The following SRPK2 variants were observed in gnomAD, a reference collection of about 807,000 sequenced individuals.
SRPK2 encodes the protein SFRS protein kinase 2.
A neutral mutation model predicts 90.8 loss-of-function variants in SRPK2; 21 were observed. The observed-to-expected ratio is 0.23, with a 90% CI of 0.16 to 0.33. SRPK2 has a LOEUF of 0.33. Ranked by LOEUF, SRPK2 falls within the 10% of genes least tolerant of loss-of-function variation. The probability of loss-of-function intolerance (pLI) is 1.00; values close to 1 mark genes in which losing one functional copy is unlikely to be tolerated. For synonymous variants in SRPK2, 288 were observed against 311.1 expected (o/e 0.93, Z 0.78); for missense variants, 620 against 869.0 (o/e 0.71, Z 3.60).
intron 2 of SRPK2, among the ~76,000 whole-genome samples, chr7:105,376,468 A>T (rs1259034213): frequency 6.6e-6 from 1 of 151,382 alleles, no homozygotes; most frequent in Non-Finnish European, 1.5e-5. Flanking sequence ...TTTGCTCCAA[A>T]TACCCCTTTT....
intron 2 of SRPK2, among the ~76,000 whole-genome samples, chr7:105,372,582 T>TA (rs1341618483): frequency 1.3e-5 from 2 of 152,186 alleles, no homozygotes; most frequent in Non-Finnish European, 2.9e-5. Flanking sequence ...CTCTGAGCAC[T>TA]AACTATTCAC....
chr7:105,338,039 GT>G (rs1225819805), intron 2 of SRPK2, among the ~76,000 whole-genome samples: 1 of 147,168 alleles, frequency 6.8e-6, no homozygotes, highest in Non-Finnish European at 1.5e-5. Context: ...TAAGTCTGAA[GT>G]TTCCTATAAT....
rs1161808916 is a variant in SRPK2 at position 105,361,819 on chromosome 7, T to C, written c.71+26829A>G. Among the ~76,000 whole-genome samples, 5 of 152,226 alleles carry C rather than the reference T, an allele frequency of 3.3e-5. No individual in the cohort carries two copies. The South Asian group carries it at 8.3e-4, about 25-fold the overall frequency. On this transcript the variant is annotated intron_variant, in intron 2 of 15. Coordinates refer to ENST00000393651, the MANE Select transcript of SRPK2 (RefSeq NM_182692.3). The stretch of plus-strand genomic sequence containing the variant: ...CTCTTCCTTACACCTTATACAAAAA[T>C]TAATTCAAGATGGATTTAAGACTTA...
intron 2 of SRPK2, among the ~76,000 whole-genome samples, chr7:105,251,082 A>G (rs1210516097): frequency 6.6e-6 from 1 of 152,196 alleles, no homozygotes; most frequent in Non-Finnish European, 1.5e-5. Flanking sequence ...CCCAAACACA[A>G]TTTCTTCATT....
intron 2 of SRPK2, among the ~76,000 whole-genome samples, chr7:105,278,065 C>T (rs1806749361): frequency 6.6e-6 from 1 of 152,168 alleles, no homozygotes; most frequent in South Asian, 2.1e-4. Context: ...CCTGCAATCC[C>T]AGCACTTTGG....
At chr7:105,346,869 A>C (rs1040905261) in intron 2 of SRPK2, among the ~76,000 whole-genome samples, 3 of 151,596 alleles carry the variant, frequency 2.0e-5, no homozygotes, top group African/African-American at 7.3e-5. Flanking sequence ...AAAAAAAAAA[A>C]AAAAAACTTT....
At chr7:105,141,911 G>A in intron 11 of SRPK2, 97 bp downstream of exon 11, 1 of 1,393,612 alleles carries the variant, frequency 7.2e-7, no homozygotes. Flanking sequence ...CACACACACA[G>A]GGCTTGGCCA....
intron 2 of SRPK2, among the ~76,000 whole-genome samples, chr7:105,367,278 T>G (rs1371620722): frequency 1.3e-5 from 2 of 151,970 alleles, no homozygotes; most frequent in African/African-American, 4.8e-5. Context: ...TTGTTTTGTT[T>G]TTGAGACAGG....
At chr7:105,327,510 C>T (rs1813731786) in intron 2 of SRPK2, among the ~76,000 whole-genome samples, 2 of 152,182 alleles carry the variant, frequency 1.3e-5, no homozygotes, top group Non-Finnish European at 2.9e-5. Flanking sequence ...TCTCTCCTCC[C>T]TGCCAAGTGC....
chr7:105,149,275 T>C (rs756537405), intron 7 of SRPK2, among the ~76,000 whole-genome samples: 7 of 152,196 alleles, frequency 4.6e-5, no homozygotes, highest in Non-Finnish European at 8.8e-5. Context: ...TTTGCAGTAA[T>C]GCTGCCTTGT....
chr7:105,218,863 T>G (rs1454797595), intron 2 of SRPK2, among the ~76,000 whole-genome samples: 1 of 151,236 alleles, frequency 6.6e-6, no homozygotes, highest in Non-Finnish European at 1.5e-5. Flanking sequence ...TCCTTCGTAG[T>G]TGAAAAGAAA....
intron 3 of SRPK2, among the ~76,000 whole-genome samples, chr7:105,191,879 A>C (rs1204440278): frequency 1.3e-5 from 2 of 150,950 alleles, no homozygotes; most frequent in East Asian, 3.9e-4. Context: ...AAAACAAAAA[A>C]AACTTTTTTT....
intron 1 of SRPK2, among the ~76,000 whole-genome samples, chr7:105,397,166 C>T (rs756607294): frequency 1.3e-4 from 19 of 151,242 alleles, no homozygotes; most frequent in South Asian, 2.1e-4. Flanking sequence ...TACAGGTGCA[C>T]ACCAGCACAC....
intron 2 of SRPK2, among the ~76,000 whole-genome samples, chr7:105,233,093 AAGGAAGGAAGG>A (rs1221838997): frequency 8.4e-5 from 4 of 47,430 alleles, no homozygotes; most frequent in Non-Finnish European, 1.2e-4. Flanking sequence ...GGAAGGAAAG[AAGGAAGGAAGG>A]AAGGAAGGAA....
chr7:105,159,958 T>C (rs554413459), intron 7 of SRPK2, among the ~76,000 whole-genome samples: 1 of 152,232 alleles, frequency 6.6e-6, no homozygotes, highest in Admixed American at 6.5e-5. Context: ...ATATAGACTC[T>C]GTGTGTGTGT....
intron 2 of SRPK2, among the ~76,000 whole-genome samples, chr7:105,330,208 C>T (rs1355112486): frequency 6.6e-6 from 1 of 151,746 alleles, no homozygotes; most frequent in Non-Finnish European, 1.5e-5. Flanking sequence ...GGCGTGGTGG[C>T]GGGTGCCCGT....
chr7:105,390,617 T>G (rs1408310455), upstream of SRPK2, among the ~76,000 whole-genome samples: 6 of 148,604 alleles, frequency 4.0e-5, no homozygotes, highest in African/African-American at 9.9e-5. Context: ...GTTTTTTTTT[T>G]TTTTTTTTTT....
chr7:105,200,671 C>G (rs1795436864), intron 3 of SRPK2, among the ~76,000 whole-genome samples: 1 of 152,152 alleles, frequency 6.6e-6, no homozygotes, highest in South Asian at 2.1e-4. Context: ...TAAATCAAAC[C>G]TGTGTACCAT....
intron 2 of SRPK2, among the ~76,000 whole-genome samples, chr7:105,259,731 A>G (rs1012714579): frequency 6.6e-6 from 1 of 152,182 alleles, no homozygotes; most frequent in Non-Finnish European, 1.5e-5. Context: ...AAATACCACC[A>G]CACATCTACA....
Sources: allele counts gnomAD v4.1 joint callset (sites outside exome capture counted in the v4.1 genomes callset), GRCh38; gene constraint gnomAD v4.1.1; transcripts MANE v1.5; gene names NCBI Gene and HGNC (gene_info 2026-07-23, HGNC 2026-07-21).